Variants in BEND7 observed in about 807,000 individuals in gnomAD.
BEND7 encodes BEN domain-containing protein 7.
Under a neutral mutation model 50.9 loss-of-function variants are expected in BEND7, and 28 were observed. That is an observed-to-expected ratio of 0.55 (90% CI 0.41 to 0.75). The LOEUF is 0.75. Ranked by LOEUF, BEND7 falls within the 30% of genes least tolerant of loss-of-function variation. The pLI, the probability that BEND7 is intolerant of heterozygous loss-of-function variation, is 0.00. For synonymous variants in BEND7, 170 were observed against 183.9 expected, an observed-to-expected ratio of 0.92 and a Z score of 0.61; for missense variants, 477 against 491.3, an observed-to-expected ratio of 0.97 and a Z score of 0.28.
intron 8 of BEND7, 113 bp from the exon 9 acceptor site, chr10:13,441,863 C>T (rs1454709810): frequency 8.4e-6 from 9 of 1,070,466 alleles, no homozygotes; most frequent in Middle Eastern, 2.0e-4. Flanking sequence ...TTCCTTGTAG[C>T]CCCCCAAAAG....
chr10:13,474,800 C>A (rs1191277016), intron 6 of BEND7, among the ~76,000 whole-genome samples: 1 of 152,360 alleles, frequency 6.6e-6, no homozygotes, highest in Non-Finnish European at 1.5e-5. Flanking sequence ...GGTTGATACC[C>A]ATCATCGCTT....
intron 2 of BEND7, among the ~76,000 whole-genome samples, chr10:13,501,160 A>C (rs1437369719): frequency 6.6e-6 from 1 of 152,082 alleles, no homozygotes; most frequent in Admixed American, 6.6e-5. Flanking sequence ...AGATCACCTG[A>C]GGTCGGGAGT....
chr10:13,528,452 G>A (rs1468949273), intron 1 of BEND7, 21 bp downstream of exon 1: 1 of 1,008,228 alleles, frequency 9.9e-7, no homozygotes, highest in Non-Finnish European at 1.2e-6. Context: ...GCCTGCCCCC[G>A]CCGCCCCGGC....
At chr10:13,503,184 G>A (rs1237263023) in intron 2 of BEND7, among the ~76,000 whole-genome samples, 1 of 152,206 alleles carries the variant, frequency 6.6e-6, no homozygotes, top group Non-Finnish European at 1.5e-5. Context: ...GGCAATGAGG[G>A]AGGAAGGTGG....
rs1337263626 is a variant in BEND7, at chr10:13,496,772, G to T, written c.565C>A (p.Gln189Lys). Residue 189 changes from glutamine (Q) to lysine (K), a missense_variant, in exon 4 of 9, where the codon CAA becomes AAA. Gln to Lys is a moderately conservative substitution (Grantham distance 53). Coordinates refer to ENST00000466271, the MANE Select transcript of BEND7 (RefSeq NM_001369863.1). ...LKTMRKLMQIQAVGTQNRQQP... is the reference protein window; with the variant it reads ...LKTMRKLMQIKAVGTQNRQQP... Reference sequence around the variant, plus strand: ...CGAGGCCTGATCCTTGTACCTGCTTGAATTTGCATTAATTTCCTCATGGTC... The same window carrying T: ...CGAGGCCTGATCCTTGTACCTGCTTTAATTTGCATTAATTTCCTCATGGTC... The T allele has an allele frequency of 4.3e-6, 7 of 1,612,996 alleles. No individual in the cohort carries two copies. Among genetic ancestry groups the T allele is most frequent in the South Asian group, 1.1e-5 (1 of 90,672 alleles).
intron 6 of BEND7, among the ~76,000 whole-genome samples, chr10:13,468,592 CAT>C: frequency 6.6e-6 from 1 of 152,090 alleles, no homozygotes; most frequent in Non-Finnish European, 1.5e-5. Context: ...TGTTAGGATA[CAT>C]TAGGAACTGG....
At position 13,526,205 on chromosome 10, in the gene BEND7, C is replaced by T; in HGVS notation, c.78G>A (p.Val26=). ...KLVSRDYHHE[V]YKIPEFSNDV... is the part of the protein sequence containing the mutation. ...CGTTGCTGAATTCTGGGATCTTATACACCTCGTGGTGATAATCTGGCATGA... is the reference window on the plus strand; with the variant it reads ...CGTTGCTGAATTCTGGGATCTTATATACCTCGTGGTGATAATCTGGCATGA... Residue 26 remains valine (V), a synonymous_variant, in exon 2 of 9, where the codon GTG becomes GTA. Coordinates refer to ENST00000466271, the MANE Select transcript of BEND7 (RefSeq NM_001369863.1). 7.8e-7 allele frequency: 1 copy of T among 1,289,124 alleles called. No individual in the cohort carries two copies. The allele number at this position is 1,289,124 out of a possible 1,614,324, so 79.9% of individuals were successfully genotyped here. A position where few individuals can be genotyped will look rare whatever the true frequency, so the allele number is the denominator to read the frequency against.
chr10:13,480,788 A>G (rs2075800360), intron 6 of BEND7, 111 bp downstream of exon 6: 2 of 1,524,938 alleles, frequency 1.3e-6, no homozygotes, highest in African/African-American at 1.4e-5. Context: ...TAAATTGGCA[A>G]TGGCAAATGA....
chr10:13,498,954 G>A (rs1165868012), intron 3 of BEND7, among the ~76,000 whole-genome samples: 1 of 152,136 alleles, frequency 6.6e-6, no homozygotes, highest in Non-Finnish European at 1.5e-5. Context: ...TTTTCTTGAA[G>A]GATATTGTGA....
Position 13,526,169 on chromosome 10 carries a change from C to T in BEND7, c.114G>A (p.Gly38=), listed in dbSNP as rs749360183. ...AAATGGGCTGTGTCTCTTTGGCCTC[C>T]CCATTAACATCGTTGCTGAATTCTG... ...KIPEFSNDVN[G]EAKETQPIFL... Residue 38 remains glycine, a synonymous_variant, in exon 2 of 9, where the codon GGG becomes GGA. Transcript: ENST00000466271. 3.1e-6 allele frequency: 4 copies of T among 1,289,350 alleles called. No individual in the cohort carries two copies. In the African/African-American group the frequency reaches 4.6e-5, roughly 15 times the overall value. The allele number at this position is 1,289,350 out of a possible 1,614,324, so 79.9% of individuals were successfully genotyped here.
At chr10:13,506,871 T>A (rs574907181) in intron 2 of BEND7, among the ~76,000 whole-genome samples, 6 of 152,116 alleles carry the variant, frequency 3.9e-5, no homozygotes, top group Non-Finnish European at 7.4e-5. Flanking sequence ...ACCCCAAGGT[T>A]TCCAGCTTGG....
chr10:13,517,120 A>G (rs1460351440), intron 2 of BEND7, among the ~76,000 whole-genome samples: 1 of 149,848 alleles, frequency 6.7e-6, no homozygotes, highest in Non-Finnish European at 1.5e-5. Flanking sequence ...GCTGGAGTGC[A>G]ATGGTGCTAT....
At position 13,447,184 on chromosome 10, in the gene BEND7, T is replaced by C. The variant is rs1355363215; in HGVS notation, c.1234+82A>G. 13 of 1,436,246 alleles carry C rather than the reference T, an allele frequency of 9.1e-6. No individual in the cohort carries two copies. In the Admixed American group the frequency reaches 1.4e-4, roughly 15 times the overall value. 89.0% of individuals were successfully genotyped at this position (1,436,246 alleles called of 1,614,324 possible). A position where few individuals can be genotyped will look rare whatever the true frequency, so the allele number is the denominator to read the frequency against. On this transcript the variant is annotated intron_variant, in intron 8 of 8. Coordinates refer to ENST00000466271, the MANE Select transcript of BEND7 (RefSeq NM_001369863.1). ...TTTGCTCAAGTGTCTGCATGTCTAATGTTAAAATCGTTTTCAATGCAAATA... is the reference window on the plus strand; with the variant it reads ...TTTGCTCAAGTGTCTGCATGTCTAACGTTAAAATCGTTTTCAATGCAAATA...
chr10:13,490,793 ATTTTGTTTTTTTGT>A (rs2076599626), intron 5 of BEND7, among the ~76,000 whole-genome samples: 1 of 151,686 alleles, frequency 6.6e-6, no homozygotes, highest in African/African-American at 2.4e-5. Context: ...CAATCCTATG[ATTTTGTTTTTTTGT>A]TTTTGTTTTT....
chr10:13,515,746 G>A (rs567276014), intron 2 of BEND7, among the ~76,000 whole-genome samples: 1 of 152,298 alleles, frequency 6.6e-6, no homozygotes, highest in African/African-American at 2.4e-5. Flanking sequence ...GACAATGGAC[G>A]AGGGTGGTGT....
intron 2 of BEND7, among the ~76,000 whole-genome samples, chr10:13,504,969 C>T (rs560815880): frequency 1.3e-5 from 2 of 152,316 alleles, no homozygotes; most frequent in Non-Finnish European, 2.9e-5. Flanking sequence ...AGTCAACACA[C>T]AAGGTTGCCC....
chr10:13,488,568 AT>A (rs1285436861), intron 5 of BEND7, among the ~76,000 whole-genome samples: 2 of 152,150 alleles, frequency 1.3e-5, no homozygotes, highest in African/African-American at 4.8e-5. Flanking sequence ...GCTCACTGCA[AT>A]CTTCGACTCC....
At chr10:13,468,984 A>C (rs1002011246) in intron 6 of BEND7, among the ~76,000 whole-genome samples, 5 of 152,234 alleles carry the variant, frequency 3.3e-5, no homozygotes. Flanking sequence ...GGAGACCTGA[A>C]TATCCTATAT....
intron 2 of BEND7, among the ~76,000 whole-genome samples, chr10:13,520,866 T>G (rs1474131812): frequency 1.3e-5 from 2 of 152,180 alleles, no homozygotes; most frequent in Non-Finnish European, 2.9e-5. Flanking sequence ...ACGACCAAGT[T>G]CTGCATCCAC....
Sources: gnomAD v4.1 joint callset for allele counts (sites outside exome capture counted in the v4.1 genomes callset) on GRCh38, gnomAD v4.1.1 for gene constraint, MANE v1.5 for transcripts, NCBI Gene and HGNC (gene_info 2026-07-23, HGNC 2026-07-21) for gene names.